The following CCDC77 variants were observed in gnomAD, a reference collection of about 807,000 sequenced individuals.
CCDC77 encodes coiled-coil domain containing 77.
Under a neutral mutation model 66.8 loss-of-function variants are expected in CCDC77, and 56 were observed. The ratio of observed to expected loss-of-function variants is 0.84; its 90% confidence interval spans 0.68 to 1.05. The LOEUF (loss-of-function observed/expected upper bound fraction) is 1.05, where lower values mean the gene tolerates loss of function less well. Ranked by LOEUF, CCDC77 falls within the 50% of genes least tolerant of loss-of-function variation. The pLI is 0.00. For synonymous variants in CCDC77, 196 were observed against 195.2 expected (o/e 1.00, Z -0.03); for missense variants, 570 against 576.8 (o/e 0.99, Z 0.12).
At chr12:401,545 C>G (rs1393442719), upstream of CCDC77, 2 of 152,264 alleles carry the variant, frequency 1.3e-5, no homozygotes, top group Non-Finnish European at 2.9e-5. Context: ...GAAGGCCCTT[C>G]CCATTGGTGC....
At chr12:405,701 C>T (rs1565563367) in intron 2 of CCDC77, 137 bp downstream of exon 2, 1 of 152,070 alleles carries the variant, frequency 6.6e-6, no homozygotes. Flanking sequence ...ATTGAATAGA[C>T]TGGCCAGCAG....
chr12:409,129 C>T (rs932683903), intron 2 of CCDC77, among the ~76,000 whole-genome samples: 3 of 150,522 alleles, frequency 2.0e-5, no homozygotes, highest in Non-Finnish European at 3.0e-5. Flanking sequence ...CGCTTGAACC[C>T]AGAAGGCAGA....
chr12:400,214 T>C (rs146320000), upstream of CCDC77, among the ~76,000 whole-genome samples: 2 of 152,352 alleles, frequency 1.3e-5, no homozygotes, highest in Non-Finnish European at 2.9e-5. Context: ...GTTAGGACTT[T>C]GCTCCAGATT....
At chr12:390,120 C>CAAAAAAAAAA (rs11330348) in intron 1 of CCDC77, 4 of 73,402 alleles carry the variant, frequency 5.4e-5, no homozygotes, top group African/African-American at 1.0e-4. Context: ...GTTGCCTGAG[C>CAAAAAAAAAA]AAAAAAAAAA....
At chr12:433,696 G>A (rs532852394) in intron 9 of CCDC77, among the ~76,000 whole-genome samples, 23 of 151,032 alleles carry the variant, frequency 1.5e-4, no homozygotes, top group Non-Finnish European at 2.4e-4. Flanking sequence ...TATACTATCT[G>A]ACTCAATGTA....
intron 4 of CCDC77, 146 bp downstream of exon 4, chr12:412,124 C>T (rs540916366): frequency 1.1e-4 from 73 of 663,502 alleles, no homozygotes; most frequent in South Asian, 9.0e-4. Flanking sequence ...CCCCTTCAGG[C>T]CCTCCTTGGA....
chr12:413,174 G>A (rs973942011), intron 4 of CCDC77, among the ~76,000 whole-genome samples: 59 of 151,298 alleles, frequency 3.9e-4, no homozygotes, highest in Middle Eastern at 3.2e-3. Context: ...TCCTGACCTC[G>A]TGATCTGCCC....
Position 418,632 on chromosome 12 carries a change from A to G in CCDC77, c.409A>G (p.Ile137Val). 6.2e-7 allele frequency: 1 copy of G among 1,613,196 alleles called. No homozygotes were observed. Among genetic ancestry groups the G allele is most frequent in the East Asian group, 2.2e-5 (1 of 44,882 alleles). ...CTACTCAGAAAATGACCGACTGAGAATCAGGTACCAAATAGGAGAAGGGAA... is the reference window on the plus strand; with the variant it reads ...CTACTCAGAAAATGACCGACTGAGAGTCAGGTACCAAATAGGAGAAGGGAA... ...RLYSENDRLR[I>V]RELEDKKKIQ... The change falls in exon 5 of 13, where the codon ATC becomes GTC. Residue 137 changes from isoleucine (I) to valine (V), a missense_variant. By Grantham distance (29) the Ile-to-Val change is conservative. Coordinates refer to ENST00000239830, the MANE Select transcript of CCDC77 (RefSeq NM_032358.4).
At position 438,564 on chromosome 12, in the gene CCDC77, T is replaced by G; in HGVS notation, c.1041+10T>G. 1 of 1,577,832 alleles carries G rather than the reference T, an allele frequency of 6.3e-7. No homozygotes were observed. Among genetic ancestry groups the G allele is most frequent in the Non-Finnish European group, 8.6e-7 (1 of 1,156,976 alleles). ...AAGTGAATATATTAAGGTAATGTCC[T>G]TATGTCGTAACGAAGTTGTTTATTT... On this transcript the variant is annotated intron_variant, in intron 10 of 12. Coordinates refer to ENST00000239830, the MANE Select transcript of CCDC77 (RefSeq NM_032358.4).
rs761795932 is a variant in CCDC77 at position 431,852 on chromosome 12, G to A, written c.584-14G>A. The stretch of plus-strand genomic sequence containing the variant: ...GAGTAAAATCTTCTTGATGGATTTT[G>A]TTTTCTATTTTAGATCCTAAAATAA... On this transcript the variant is annotated splice_polypyrimidine_tract_variant and intron_variant, in intron 7 of 12. Transcript: ENST00000239830. 16 of 1,547,656 alleles carry A rather than the reference G, an allele frequency of 1.0e-5. No individual in the cohort carries two copies. The East Asian group carries it at 3.1e-4, about 30-fold the overall frequency.
At chr12:436,115 C>CTTTTTT (rs1181059309) in intron 9 of CCDC77, among the ~76,000 whole-genome samples, 34 of 106,176 alleles carry the variant, frequency 3.2e-4, no homozygotes, top group Non-Finnish European at 4.0e-4. Context: ...GATCCTTTGT[C>CTTTTTT]TTTTTTTTTT....
chr12:425,046 T>A (rs1945501575), intron 5 of CCDC77, among the ~76,000 whole-genome samples: 1 of 151,734 alleles, frequency 6.6e-6, no homozygotes, highest in Admixed American at 6.6e-5. Context: ...TCCTCCTGCC[T>A]CATCCTTCCA....
chr12:402,920 G>C (rs1254635663), intron 1 of CCDC77, among the ~76,000 whole-genome samples: 1 of 152,174 alleles, frequency 6.6e-6, no homozygotes, highest in Non-Finnish European at 1.5e-5. Context: ...AAATAGGAAA[G>C]TCAGAAGGGG....
rs1340953554 is a variant in CCDC77 at position 409,296 on chromosome 12, C to A, written c.-16-72C>A. 5 of 994,594 alleles carry A rather than the reference C, an allele frequency of 5.0e-6. No individual in the cohort carries two copies. In the Admixed American group the frequency reaches 9.3e-5, roughly 18 times the overall value. The allele number at this position is 994,594 out of a possible 1,614,324, so 61.6% of individuals were successfully genotyped here. A position where few individuals can be genotyped will look rare whatever the true frequency, so the allele number is the denominator to read the frequency against. On this transcript the variant is annotated intron_variant, in intron 2 of 12. Transcript: ENST00000239830. The stretch of plus-strand genomic sequence containing the variant: ...AAATATGATGATGTTGAAGAGGGAA[C>A]CAGTCTAATCCTGTACTGTTTTTAT...
At chr12:423,475 TTGTG>T (rs765872165) in intron 5 of CCDC77, among the ~76,000 whole-genome samples, 7,760 of 38,404 alleles carry the variant, frequency 0.2, 844 homozygotes, top group Non-Finnish European at 0.26. Context: ...TTTGTGTTTT[TTGTG>T]TTTTTTTTTG....
At chr12:434,345 TTTTC>T (rs1455668558) in intron 9 of CCDC77, among the ~76,000 whole-genome samples, 3 of 150,738 alleles carry the variant, frequency 2.0e-5, no homozygotes, top group South Asian at 2.1e-4. Flanking sequence ...ACCTCTTAAC[TTTTC>T]TTTCTTTTTT....
chr12:440,021 T>G (rs1945830867), intron 10 of CCDC77, among the ~76,000 whole-genome samples: 1 of 152,004 alleles, frequency 6.6e-6, no homozygotes, highest in Admixed American at 6.6e-5. Flanking sequence ...CCCTGGAGTA[T>G]GTTCAAGGAA....
chr12:401,968 G>A (rs1004651838), intron 1 of CCDC77, among the ~76,000 whole-genome samples: 1 of 150,192 alleles, frequency 6.7e-6, no homozygotes, highest in Non-Finnish European at 1.5e-5. Context: ...GATGCGTTCC[G>A]GTGTACTCTA....
intron 1 of CCDC77, among the ~76,000 whole-genome samples, chr12:402,805 C>T (rs1944921645): frequency 6.6e-6 from 1 of 152,120 alleles, no homozygotes; most frequent in Non-Finnish European, 1.5e-5. Flanking sequence ...ATAAAATATA[C>T]AAGATATTCA....
Sources: gnomAD v4.1 joint callset for allele counts (sites outside exome capture counted in the v4.1 genomes callset) on GRCh38, gnomAD v4.1.1 for gene constraint, MANE v1.5 for transcripts, NCBI Gene and HGNC (gene_info 2026-07-23, HGNC 2026-07-21) for gene names.